The following MACROD2 variants were observed in gnomAD, a reference collection of about 807,000 sequenced individuals.
MACROD2 encodes the protein ADP-ribose glycohydrolase MACROD2.
A neutral mutation model predicts 70.4 loss-of-function variants in MACROD2; 36 were observed. The ratio of observed to expected loss-of-function variants is 0.51; its 90% CI spans 0.39 to 0.68. The LOEUF (loss-of-function observed/expected upper bound fraction) is 0.68, where lower values mean the gene tolerates loss of function less well. MACROD2 is among the 30% of genes least tolerant of loss of function. The pLI, the probability that MACROD2 is intolerant of heterozygous loss-of-function variation, is 0.00. For missense variants in MACROD2, 496 were observed against 538.4 expected (o/e 0.92, Z 0.78); for synonymous variants, 172 against 178.8 (o/e 0.96, Z 0.30).
At chr20:14,110,125 C>A (rs963116733) in intron 3 of MACROD2, among the ~76,000 whole-genome samples, 3 of 151,850 alleles carry the variant, frequency 2.0e-5, no homozygotes, top group African/African-American at 7.2e-5. Flanking sequence ...AAGACAAAAA[C>A]CGTATGATCA....
chr20:15,925,076 G>T (rs2065469020), intron 10 of MACROD2, among the ~76,000 whole-genome samples: 1 of 152,180 alleles, frequency 6.6e-6, no homozygotes, highest in African/African-American at 2.4e-5. Flanking sequence ...GATTTTCCCA[G>T]TTATAGAGTG....
intron 13 of MACROD2, 68 bp downstream of exon 13, chr20:15,967,698 A>T (rs990839351): frequency 2.9e-6 from 4 of 1,361,958 alleles, no homozygotes. Context: ...AAAAAAAAAA[A>T]AAACCCACAG....
intron 3 of MACROD2, among the ~76,000 whole-genome samples, chr20:14,402,525 G>T (rs1418092571): frequency 6.6e-6 from 1 of 152,076 alleles, no homozygotes; most frequent in Non-Finnish European, 1.5e-5. Context: ...GTATGTCTGT[G>T]TCTGTGTGTG....
At chr20:15,612,115 T>C (rs1218453908) in intron 8 of MACROD2, among the ~76,000 whole-genome samples, 1 of 151,892 alleles carries the variant, frequency 6.6e-6, no homozygotes, top group Non-Finnish European at 1.5e-5. Context: ...CACTATGGGT[T>C]CATTTGCTAC....
In MACROD2 at chr20:15,002,878, C is replaced by T. The variant is rs141686523; in HGVS notation, c.419-227062C>T. Among the ~76,000 whole-genome samples the T allele has an allele frequency of 6.7e-3, 1,021 of 152,304 alleles. 7 individuals are homozygous for T. The highest frequency in any genetic ancestry group is 0.01 in the Non-Finnish European group (696 of 68,030). Reference sequence around the variant, plus strand: ...ATTTTTCAAGAGAAACATGGAATATCTCTCTTTTAAAAAATATGAAATTTT... The same window carrying T: ...ATTTTTCAAGAGAAACATGGAATATTTCTCTTTTAAAAAATATGAAATTTT... On this transcript the variant is annotated intron_variant, in intron 5 of 17. Coordinates refer to ENST00000684519, the MANE Select transcript of MACROD2 (RefSeq NM_001351661.2).
intron 3 of MACROD2, among the ~76,000 whole-genome samples, chr20:14,382,323 G>A (rs2075728729): frequency 7.2e-6 from 1 of 138,578 alleles, no homozygotes; most frequent in Non-Finnish European, 1.6e-5. Flanking sequence ...GCCTCTCAAA[G>A]TGCTGGGATT....
chr20:15,745,391 G>A (rs150556118), intron 8 of MACROD2, among the ~76,000 whole-genome samples: 1 of 152,134 alleles, frequency 6.6e-6, no homozygotes, highest in Non-Finnish European at 1.5e-5. Context: ...ATGACTTTAG[G>A]CATCTGGATT....
chr20:14,915,436 C>T (rs1032886699), intron 5 of MACROD2, among the ~76,000 whole-genome samples: 1 of 152,162 alleles, frequency 6.6e-6, no homozygotes, highest in Non-Finnish European at 1.5e-5. Context: ...CCAAAACCTT[C>T]GAGAAGCATT....
At chr20:15,654,752 G>A (rs1378634613) in intron 8 of MACROD2, among the ~76,000 whole-genome samples, 1 of 152,216 alleles carries the variant, frequency 6.6e-6, no homozygotes, top group Non-Finnish European at 1.5e-5. Flanking sequence ...TTGCCCTTTG[G>A]CAGCAGATCA....
chr20:15,219,992 AT>A (rs200180828), intron 5 of MACROD2, among the ~76,000 whole-genome samples: 1,638 of 137,706 alleles, frequency 0.012, 20 homozygotes, highest in East Asian at 0.055. Flanking sequence ...ATCACTGCAC[AT>A]TTTTTTTTTT....
At chr20:14,938,689 G>A (rs1227242787) in intron 5 of MACROD2, among the ~76,000 whole-genome samples, 3 of 152,034 alleles carry the variant, frequency 2.0e-5, no homozygotes, top group South Asian at 2.1e-4. Context: ...GCTGGGGCGG[G>A]AGGATCACCT....
chr20:15,343,798 A>G (rs902467002), intron 6 of MACROD2, among the ~76,000 whole-genome samples: 1 of 152,198 alleles, frequency 6.6e-6, no homozygotes, highest in African/African-American at 2.4e-5. Flanking sequence ...CTGCCTGTCC[A>G]TGCATTTAGA....
intron 3 of MACROD2, among the ~76,000 whole-genome samples, chr20:14,094,225 ACT>A (rs2054191924): frequency 6.6e-6 from 1 of 152,016 alleles, no homozygotes; most frequent in South Asian, 2.1e-4. Flanking sequence ...GCTTCTTCTG[ACT>A]CTGCCCTCTT....
rs549306649 is a variant in MACROD2, at chr20:15,624,652, C to A, written c.645+124805C>A. Among the ~76,000 whole-genome samples, 4 of 152,126 alleles carry A rather than the reference C, an allele frequency of 2.6e-5. No homozygotes were observed. The East Asian group carries it at 7.7e-4, about 29-fold the overall frequency. Reference sequence around the variant, plus strand: ...ATTTTTAAAATATAATGTCTCCAGCCGCTTTCTGACAAATAGTGGCAAACA... The same window carrying A: ...ATTTTTAAAATATAATGTCTCCAGCAGCTTTCTGACAAATAGTGGCAAACA... On this transcript the variant is annotated intron_variant, in intron 8 of 17. Transcript: ENST00000684519.
chr20:14,600,325 T>C (rs1156521896), intron 4 of MACROD2, among the ~76,000 whole-genome samples: 1 of 139,538 alleles, frequency 7.2e-6, no homozygotes, highest in Non-Finnish European at 1.5e-5. Flanking sequence ...AATATGCAGC[T>C]ACATATATAT....
At chr20:15,203,076 T>A (rs2076670928) in intron 5 of MACROD2, among the ~76,000 whole-genome samples, 1 of 152,174 alleles carries the variant, frequency 6.6e-6, no homozygotes, top group South Asian at 2.1e-4. Flanking sequence ...GATGGGAACT[T>A]GTTAATTTTT....
chr20:15,745,138 G>C (rs2051163385), intron 8 of MACROD2, among the ~76,000 whole-genome samples: 1 of 152,136 alleles, frequency 6.6e-6, no homozygotes, highest in Non-Finnish European at 1.5e-5. Context: ...TCATTGTATG[G>C]TTGGGAGATA....
At chr20:15,585,505 C>G (rs2048587019) in intron 8 of MACROD2, among the ~76,000 whole-genome samples, 1 of 152,002 alleles carries the variant, frequency 6.6e-6, no homozygotes, top group Non-Finnish European at 1.5e-5. Context: ...CTGGAGCGTC[C>G]TTTTTACCAA....
intron 8 of MACROD2, among the ~76,000 whole-genome samples, chr20:15,577,352 A>G (rs1226517384): frequency 6.6e-6 from 1 of 152,156 alleles, no homozygotes; most frequent in African/African-American, 2.4e-5. Context: ...AGTATTTTCA[A>G]ACAAATCCAA....
Sources: allele counts gnomAD v4.1 joint callset (sites outside exome capture counted in the v4.1 genomes callset), GRCh38; gene constraint gnomAD v4.1.1; transcripts MANE v1.5; gene names NCBI Gene and HGNC (gene_info 2026-07-23, HGNC 2026-07-21).